Variants in CCDC169 observed in about 807,000 individuals in gnomAD.
CCDC169 encodes the protein coiled-coil domain containing 169, also known as coiled-coil domain-containing protein 169.
A neutral mutation model predicts 36.0 loss-of-function variants in CCDC169; 30 were observed. The ratio of observed to expected loss-of-function variants is 0.83; its 90% confidence interval spans 0.62 to 1.13. The LOEUF (loss-of-function observed/expected upper bound fraction) is 1.13. Ranked by LOEUF, CCDC169 falls within the 50% of genes most tolerant of loss-of-function variation. CCDC169 has a pLI of 0.00. For missense variants in CCDC169, 245 were observed against 245.9 expected (o/e 1.00, Z 0.03); for synonymous variants, 85 against 81.5 (o/e 1.04, Z -0.23).
intron 6 of CCDC169, among the ~76,000 whole-genome samples, chr13:36,252,625 C>G (rs974198038): frequency 2.0e-5 from 3 of 152,192 alleles, no homozygotes; most frequent in African/African-American, 7.2e-5. Flanking sequence ...TTCTTCAGAG[C>G]AATATCCCAG....
chr13:36,232,023 AT>A (rs1332870490), intron 7 of CCDC169, among the ~76,000 whole-genome samples: 5 of 152,224 alleles, frequency 3.3e-5, no homozygotes, highest in African/African-American at 4.8e-5. Flanking sequence ...AACCCTGGAA[AT>A]TAACGAAAGT....
intron 4 of CCDC169, among the ~76,000 whole-genome samples, chr13:36,276,911 T>C (rs1342335203): frequency 6.6e-6 from 1 of 152,090 alleles, no homozygotes; most frequent in Non-Finnish European, 1.5e-5. Flanking sequence ...GCCAAAAAAA[T>C]ACAAATGTCC....
intron 7 of CCDC169, among the ~76,000 whole-genome samples, chr13:36,247,278 G>C (rs1405119629): frequency 1.3e-5 from 2 of 152,182 alleles, no homozygotes; most frequent in African/African-American, 4.8e-5. Flanking sequence ...GAAGATAAAT[G>C]CTGTTTAAAT....
rs1432510830 is a variant in CCDC169 at position 36,254,294 on chromosome 13, TA to T, written c.316-152del. ...TATGTACTTTTTTTTTTTTTTTTTT[TA>T]GACAGAGTCTCACTCTGTCACCCAG... On this transcript the variant is annotated intron_variant, in intron 4 of 7. Coordinates refer to ENST00000239859, the MANE Select transcript of CCDC169 (RefSeq NM_001144981.3). Among the ~76,000 whole-genome samples the T allele has an allele frequency of 2.0e-5, 3 of 150,074 alleles. No homozygotes were observed. In the East Asian group the frequency reaches 5.8e-4, roughly 29 times the overall value.
At chr13:36,254,246 T>A in intron 4 of CCDC169, 103 bp from the exon 5 acceptor site, 3 of 743,258 alleles carry the variant, frequency 4.0e-6, no homozygotes, top group Non-Finnish European at 4.1e-6. Flanking sequence ...TACCTAATAT[T>A]TTGTGATTTC....
intron 4 of CCDC169, among the ~76,000 whole-genome samples, chr13:36,268,389 A>G (rs1875607029): frequency 6.6e-6 from 1 of 152,228 alleles, no homozygotes; most frequent in Non-Finnish European, 1.5e-5. Context: ...TTAACAATGA[A>G]ATAAAGATGG....
At chr13:36,254,790 CA>C (rs1356455860) in intron 4 of CCDC169, among the ~76,000 whole-genome samples, 1 of 152,178 alleles carries the variant, frequency 6.6e-6, no homozygotes, top group African/African-American at 2.4e-5. Context: ...AGAGATCAAT[CA>C]AAAGTGCTTT....
chr13:36,253,892 T>C (rs151178328), intron 5 of CCDC169, 36 bp from the exon 6 acceptor site: 2 of 1,546,996 alleles, frequency 1.3e-6, no homozygotes, highest in Non-Finnish European at 1.7e-6. Flanking sequence ...GTCCAACATA[T>C]GAGAAGATTA....
At chr13:36,273,922 G>T (rs373755924) in intron 4 of CCDC169, among the ~76,000 whole-genome samples, 10 of 152,222 alleles carry the variant, frequency 6.6e-5, no homozygotes, top group African/African-American at 2.2e-4. Flanking sequence ...CCAGCTCTGT[G>T]CGTGTTCATT....
chr13:36,290,900 C>T (rs1022211781), intron 2 of CCDC169, among the ~76,000 whole-genome samples: 1 of 151,670 alleles, frequency 6.6e-6, no homozygotes, highest in African/African-American at 2.4e-5. Context: ...CAAGTAGCCA[C>T]ACCATCCCAG....
intron 4 of CCDC169, among the ~76,000 whole-genome samples, chr13:36,255,956 G>A (rs1006555006): frequency 3.3e-5 from 5 of 152,154 alleles, no homozygotes; most frequent in African/African-American, 9.7e-5. Context: ...CGCTCAGCAC[G>A]GTGTGGGCCA....
intron 7 of CCDC169, among the ~76,000 whole-genome samples, chr13:36,240,930 A>G (rs1375138260): frequency 6.6e-6 from 1 of 152,076 alleles, no homozygotes; most frequent in Non-Finnish European, 1.5e-5. Context: ...TCCAATTGAT[A>G]TATGTAAAGA....
At chr13:36,232,954 C>A (rs1870613009) in intron 7 of CCDC169, among the ~76,000 whole-genome samples, 1 of 152,116 alleles carries the variant, frequency 6.6e-6, no homozygotes, top group African/African-American at 2.4e-5. Flanking sequence ...GAAGCCCATA[C>A]ACATGTGTAA....
intron 2 of CCDC169, among the ~76,000 whole-genome samples, chr13:36,291,138 T>C (rs1174820419): frequency 1.3e-5 from 2 of 152,108 alleles, no homozygotes; most frequent in Admixed American, 1.3e-4. Context: ...AATTTGGAGT[T>C]TAGGCACAAA....
intron 4 of CCDC169, among the ~76,000 whole-genome samples, chr13:36,263,325 C>T (rs1874836500): frequency 6.6e-6 from 1 of 152,152 alleles, no homozygotes; most frequent in South Asian, 2.1e-4. Flanking sequence ...GGGAAAAAAT[C>T]TTCAAGTCAA....
At chr13:36,252,582 C>A (rs768698352) in intron 6 of CCDC169, among the ~76,000 whole-genome samples, 7 of 152,148 alleles carry the variant, frequency 4.6e-5, no homozygotes, top group African/African-American at 1.7e-4. Flanking sequence ...ACCCTCTTTT[C>A]GGCTCTTCCT....
intron 2 of CCDC169, among the ~76,000 whole-genome samples, chr13:36,293,529 C>T (rs1275723545): frequency 2.0e-5 from 3 of 152,092 alleles, no homozygotes; most frequent in Admixed American, 6.6e-5. Context: ...GTGGATATAC[C>T]CCTGTGCCAG....
intron 7 of CCDC169, 97 bp downstream of exon 7, chr13:36,248,509 G>T: frequency 8.8e-7 from 1 of 1,135,856 alleles, no homozygotes; most frequent in Non-Finnish European, 1.3e-6. Flanking sequence ...ATAAAACCTA[G>T]AAGTTCAGCT....
At chr13:36,251,977 A>G (rs1378193730) in intron 6 of CCDC169, among the ~76,000 whole-genome samples, 1 of 152,242 alleles carries the variant, frequency 6.6e-6, no homozygotes, top group Non-Finnish European at 1.5e-5. Flanking sequence ...CAAGATACTG[A>G]TATTTCCTTT....
Sources: allele counts gnomAD v4.1 joint callset (sites outside exome capture counted in the v4.1 genomes callset), GRCh38; gene constraint gnomAD v4.1.1; transcripts MANE v1.5; gene names NCBI Gene and HGNC (gene_info 2026-07-23, HGNC 2026-07-21).